The following KIAA1328 variants were observed in gnomAD, a reference collection of about 807,000 sequenced individuals.
The protein encoded by KIAA1328 is protein hinderin.
Under a neutral mutation model 68.1 loss-of-function variants are expected in KIAA1328, and 52 were observed. That is an observed-to-expected ratio of 0.76 (90% CI 0.61 to 0.96). The LOEUF is 0.96. Ranked by LOEUF, KIAA1328 falls within the 40% of genes least tolerant of loss-of-function variation. The pLI, the probability that KIAA1328 is intolerant of heterozygous loss-of-function variation, is 0.00. For missense variants in KIAA1328, 641 were observed against 677.6 expected, an observed-to-expected ratio of 0.95 and a Z score of 0.60; for synonymous variants, 232 against 239.4, an observed-to-expected ratio of 0.97 and a Z score of 0.28.
At chr18:37,068,903 G>C (rs2056434636) in intron 7 of KIAA1328, among the ~76,000 whole-genome samples, 1 of 151,814 alleles carries the variant, frequency 6.6e-6, no homozygotes, top group African/African-American at 2.4e-5. Context: ...AGCCACTGCT[G>C]GAATTTGAGC....
In KIAA1328 at chr18:37,044,873, A is replaced by G. The variant is rs548403879; in HGVS notation, c.577-22017A>G. On this transcript the variant is annotated intron_variant, in intron 6 of 9. Coordinates refer to ENST00000280020, the MANE Select transcript of KIAA1328 (RefSeq NM_020776.3). ...TATGAAAATAGCAGCAAAGTTTCAC[A>G]CTTGTTAAAATGTTAAAAATAAATA... 2.1e-3 allele frequency among the ~76,000 whole-genome samples: 327 copies of G among 152,262 alleles called. 7 individuals carry two copies. The highest frequency in any genetic ancestry group is 2.8e-3 in the Non-Finnish European group (188 of 68,032).
chr18:37,094,380 C>A (rs1310946708), intron 7 of KIAA1328, among the ~76,000 whole-genome samples: 1 of 151,952 alleles, frequency 6.6e-6, no homozygotes, highest in East Asian at 1.9e-4. Context: ...ACCTGTCAGT[C>A]AAGAGTACTA....
intron 9 of KIAA1328, among the ~76,000 whole-genome samples, chr18:37,197,783 C>G (rs937071362): frequency 6.6e-6 from 1 of 152,110 alleles, no homozygotes; most frequent in African/African-American, 2.4e-5. Flanking sequence ...TTGGAAAACA[C>G]TCTGGAAGCT....
intron 7 of KIAA1328, among the ~76,000 whole-genome samples, chr18:37,070,732 G>A (rs377171045): frequency 5.3e-5 from 8 of 151,662 alleles, no homozygotes; most frequent in East Asian, 1.9e-4. Flanking sequence ...CACCATGCCC[G>A]GCTAGTTTTT....
intron 4 of KIAA1328, among the ~76,000 whole-genome samples, chr18:36,846,864 A>G (rs749480635): frequency 2.6e-5 from 4 of 151,480 alleles, no homozygotes; most frequent in African/African-American, 4.8e-5. Context: ...CTGTGCAACC[A>G]TCTCTACCAT....
chr18:37,214,085 C>T (rs2060374885), intron 9 of KIAA1328, among the ~76,000 whole-genome samples: 2 of 152,114 alleles, frequency 1.3e-5, no homozygotes, highest in Admixed American at 1.3e-4. Flanking sequence ...AAAATTTTCT[C>T]CCATTCTGTA....
intron 5 of KIAA1328, among the ~76,000 whole-genome samples, chr18:36,915,386 G>A (rs111989323): frequency 6.6e-6 from 1 of 152,108 alleles, no homozygotes; most frequent in Non-Finnish European, 1.5e-5. Flanking sequence ...AGAGAATGGG[G>A]AAAAAAACTA....
chr18:37,017,726 C>T (rs919771473), intron 6 of KIAA1328, among the ~76,000 whole-genome samples: 1 of 151,878 alleles, frequency 6.6e-6, no homozygotes, highest in African/African-American at 2.4e-5. Flanking sequence ...CCTTTCTGTC[C>T]TTTTTTAGGA....
chr18:36,897,709 A>T (rs1439096564), intron 5 of KIAA1328, among the ~76,000 whole-genome samples: 1 of 152,104 alleles, frequency 6.6e-6, no homozygotes. Context: ...GGCTAAAACC[A>T]CAAGGACTAG....
intron 7 of KIAA1328, among the ~76,000 whole-genome samples, chr18:37,139,861 A>G (rs187966596): frequency 1.3e-5 from 2 of 152,332 alleles, no homozygotes; most frequent in Non-Finnish European, 2.9e-5. Context: ...CATGAGTCCC[A>G]GTAGCATTTC....
At chr18:36,894,452 G>A (rs1254091195) in intron 5 of KIAA1328, among the ~76,000 whole-genome samples, 1 of 152,016 alleles carries the variant, frequency 6.6e-6, no homozygotes, top group East Asian at 1.9e-4. Context: ...TTGTGTGCCT[G>A]CCTCCATTGT....
chr18:37,085,469 C>T (rs1314990336), intron 7 of KIAA1328, among the ~76,000 whole-genome samples: 2 of 152,098 alleles, frequency 1.3e-5, no homozygotes, highest in Non-Finnish European at 2.9e-5. Context: ...TTACATAGCT[C>T]TTAAAAAGGT....
chr18:37,064,488 T>A (rs2056271681), intron 6 of KIAA1328, among the ~76,000 whole-genome samples: 1 of 152,046 alleles, frequency 6.6e-6, no homozygotes, highest in Non-Finnish European at 1.5e-5. Context: ...CTATTTCAAT[T>A]GTTTTAAATT....
At chr18:37,229,662 C>G (rs1481752209), downstream of KIAA1328, 1 of 694,196 alleles carries the variant, frequency 1.4e-6, no homozygotes, top group South Asian at 1.6e-5. Context: ...ATCATGAGGT[C>G]AGGAGATCGA....
chr18:37,164,773 C>T (rs1426382577), intron 8 of KIAA1328, among the ~76,000 whole-genome samples: 1 of 151,998 alleles, frequency 6.6e-6, no homozygotes, highest in African/African-American at 2.4e-5. Flanking sequence ...TAAAAAAGTG[C>T]TGCCTTAGGA....
At chr18:37,168,948 GA>G (rs57319316) in intron 8 of KIAA1328, among the ~76,000 whole-genome samples, 20,668 of 150,346 alleles carry the variant, frequency 0.14, 1,749 homozygotes, top group Admixed American at 0.19. Flanking sequence ...TGAACTCTAA[GA>G]AAAAAAAATT....
chr18:37,099,696 T>C (rs1402704880), intron 7 of KIAA1328, among the ~76,000 whole-genome samples: 1 of 152,132 alleles, frequency 6.6e-6, no homozygotes, highest in African/African-American at 2.4e-5. Context: ...CCCATTATTA[T>C]TGTGTGGGAG....
chr18:37,048,405 A>AT lies in KIAA1328; in HGVS notation c.577-18474dup, dbSNP rs931304323. On this transcript the variant is annotated intron_variant, in intron 6 of 9. Coordinates refer to ENST00000280020, the MANE Select transcript of KIAA1328 (RefSeq NM_020776.3). ...GTGAGAGTCACTTACGTTAAGGCTG[A>AT]TTTTTTTTTTTAACAACTCAACAAA... Among the ~76,000 whole-genome samples, 141 of 148,244 alleles carry AT rather than the reference A, an allele frequency of 9.5e-4. 1 individual carries two copies. The highest frequency in any genetic ancestry group is 3.7e-3 in the Middle Eastern group (1 of 270).
downstream of KIAA1328, chr18:37,231,979 C>G (rs2060665854): frequency 6.6e-6 from 1 of 152,198 alleles, no homozygotes; most frequent in Non-Finnish European, 1.5e-5. Context: ...CTTCTCTCAG[C>G]TGCAGGTGAT....
Sources: allele counts gnomAD v4.1 joint callset (sites outside exome capture counted in the v4.1 genomes callset), GRCh38; gene constraint gnomAD v4.1.1; transcripts MANE v1.5; gene names NCBI Gene and HGNC (gene_info 2026-07-23, HGNC 2026-07-21).